The following PCDH15 variants were observed in gnomAD, a reference collection of about 807,000 sequenced individuals.
The protein encoded by PCDH15 is protocadherin-15.
Under a neutral mutation model 178.5 loss-of-function variants are expected in PCDH15, and 129 were observed. The observed-to-expected ratio is 0.72, with a 90% CI of 0.63 to 0.84. The LOEUF is 0.84. PCDH15 is among the 40% of genes least tolerant of loss of function. The pLI is 0.00. For synonymous variants in PCDH15, 800 were observed against 732.0 expected (o/e 1.09, Z -1.50); for missense variants, 2,230 against 2,099.9 (o/e 1.06, Z -1.21).
chr10:54,766,977 TTAATA>T (rs1948595570), intron 1 of PCDH15, among the ~76,000 whole-genome samples: 1 of 152,070 alleles, frequency 6.6e-6, no homozygotes, highest in African/African-American at 2.4e-5. Flanking sequence ...TTTTGTGTTC[TTAATA>T]TAATCTTCCC....
chr10:54,458,562 C>G (rs1333751330), intron 3 of PCDH15, among the ~76,000 whole-genome samples: 2 of 151,906 alleles, frequency 1.3e-5, no homozygotes, highest in Non-Finnish European at 2.9e-5. Flanking sequence ...TTTTATACAC[C>G]CTTTGTGATG....
At chr10:54,641,195 C>G (rs11004425) in intron 2 of PCDH15, 2 of 162,264 alleles carry the variant, frequency 1.2e-5, no homozygotes, top group African/African-American at 2.4e-5. Flanking sequence ...GTAAATAAAG[C>G]TTTTCTAAGA....
chr10:55,400,810 T>C (rs1838043958), intron 2 of PCDH15, among the ~76,000 whole-genome samples: 2 of 152,110 alleles, frequency 1.3e-5, no homozygotes, highest in Admixed American at 6.6e-5. Context: ...CATTCCAACA[T>C]CTCTGCCCAG....
chr10:55,058,557 T>C (rs551463722), intron 2 of PCDH15, among the ~76,000 whole-genome samples: 1 of 152,292 alleles, frequency 6.6e-6, no homozygotes, highest in African/African-American at 2.4e-5. Context: ...CTCTCCCTTC[T>C]TTGTTCTAAC....
intron 1 of PCDH15, among the ~76,000 whole-genome samples, chr10:54,775,174 T>C (rs1949556060): frequency 6.6e-6 from 1 of 152,170 alleles, no homozygotes; most frequent in Non-Finnish European, 1.5e-5. Flanking sequence ...AATGTGGTAA[T>C]AAATACCTGT....
intron 1 of PCDH15, among the ~76,000 whole-genome samples, chr10:54,693,587 A>C (rs1218805828): frequency 3.3e-5 from 5 of 152,182 alleles, no homozygotes; most frequent in African/African-American, 1.2e-4. Context: ...TGAATGATAA[A>C]GTAGACTCTA....
chr10:55,485,803 A>T (rs1202766044), intron 2 of PCDH15, among the ~76,000 whole-genome samples: 6 of 151,726 alleles, frequency 4.0e-5, no homozygotes, highest in Admixed American at 4.0e-4. Context: ...TTATCCAAGG[A>T]AACTATATCA....
intron 15 of PCDH15, 97 bp downstream of exon 15, chr10:54,132,778 G>C (rs1223161639): frequency 1.3e-6 from 2 of 1,528,742 alleles, no homozygotes; most frequent in African/African-American, 1.4e-5. Flanking sequence ...AGCATGTGAG[G>C]TTTCTCCCTC....
chr10:54,279,915 T>C (rs2058577375), intron 8 of PCDH15, among the ~76,000 whole-genome samples: 1 of 151,730 alleles, frequency 6.6e-6, no homozygotes, highest in African/African-American at 2.4e-5. Flanking sequence ...CTATGGTGCT[T>C]TGAGACTTTC....
chr10:55,441,645 A>G (rs574554391), intron 2 of PCDH15, among the ~76,000 whole-genome samples: 1 of 152,208 alleles, frequency 6.6e-6, no homozygotes, highest in Non-Finnish European at 1.5e-5. Flanking sequence ...ATCTTCAGAA[A>G]CAAGATAATC....
At chr10:54,212,197 A>G (rs186686863) in intron 10 of PCDH15, among the ~76,000 whole-genome samples, 47 of 152,304 alleles carry the variant, frequency 3.1e-4, no homozygotes, top group Non-Finnish European at 2.4e-4. Context: ...AGGTAGATCC[A>G]CAATAGAAAA....
chr10:55,195,000 C>A (rs763200201), intron 1 of PCDH15, among the ~76,000 whole-genome samples: 6 of 151,662 alleles, frequency 4.0e-5, no homozygotes, highest in Non-Finnish European at 8.8e-5. Flanking sequence ...CCAAATTACA[C>A]ACACAAGACA....
rs376010280 is a variant in PCDH15 at position 53,807,097 on chromosome 10, C to T, written c.4705G>A (p.Asp1569Asn). 4.3e-6 allele frequency: 7 copies of T among 1,611,180 alleles called. No individual in the cohort carries two copies. The African/African-American group carries it at 9.4e-5, about 22-fold the overall frequency. ...GTTGAGCTGGTTTCATACTCTCGATCAACAACTAACTTGATCATTCTTTTT... is the reference window on the plus strand; with the variant it reads ...GTTGAGCTGGTTTCATACTCTCGATTAACAACTAACTTGATCATTCTTTTT... The part of the protein sequence containing the change: ...ARKRMIKLVV[D>N]REYETSSTGE... The change falls in exon 38 of 38, where the codon GAT becomes AAT. Residue 1569 changes from aspartate (D) to asparagine (N), a missense_variant. By Grantham distance (23) the Asp-to-Asn change is conservative. Coordinates refer to ENST00000644397, the MANE Select transcript of PCDH15 (RefSeq NM_001384140.1).
chr10:54,815,715 A>G (rs1952936360), intron 3 of PCDH15, among the ~76,000 whole-genome samples: 2 of 152,114 alleles, frequency 1.3e-5, no homozygotes, highest in African/African-American at 2.4e-5. Context: ...TCATGCCATT[A>G]CAAGAAAAAG....
chr10:54,901,985 T>C (rs942176458), intron 2 of PCDH15, among the ~76,000 whole-genome samples: 9 of 71,292 alleles, frequency 1.3e-4, no homozygotes, highest in Non-Finnish European at 2.4e-4. Context: ...AATATTCATA[T>C]TGATACATTC....
intron 14 of PCDH15, among the ~76,000 whole-genome samples, chr10:54,141,071 T>C (rs1189897754): frequency 6.6e-6 from 1 of 151,480 alleles, no homozygotes; most frequent in Non-Finnish European, 1.5e-5. Context: ...TGTATACATA[T>C]ACACATAGGT....
At chr10:53,967,528 T>A (rs1284546654) in intron 21 of PCDH15, among the ~76,000 whole-genome samples, 1 of 152,178 alleles carries the variant, frequency 6.6e-6, no homozygotes, top group Admixed American at 6.5e-5. Flanking sequence ...CAGTTTGGCC[T>A]CCCAAAGTAT....
At chr10:54,815,457 G>C (rs1952933149) in intron 3 of PCDH15, among the ~76,000 whole-genome samples, 1 of 152,074 alleles carries the variant, frequency 6.6e-6, no homozygotes. Context: ...TAATTTCATA[G>C]CCAGCTCCTG....
chr10:55,058,510 A>G (rs1841359908), intron 2 of PCDH15, among the ~76,000 whole-genome samples: 1 of 152,104 alleles, frequency 6.6e-6, no homozygotes, highest in African/African-American at 2.4e-5. Flanking sequence ...TACCTGGCCT[A>G]TTTAGTCTAC....
Sources: allele counts gnomAD v4.1 joint callset (sites outside exome capture counted in the v4.1 genomes callset), GRCh38; gene constraint gnomAD v4.1.1; transcripts MANE v1.5; gene names NCBI Gene and HGNC (gene_info 2026-07-23, HGNC 2026-07-21).